The following NRXN1 variants were observed in gnomAD, a reference collection of about 807,000 sequenced individuals.
NRXN1 encodes neurexin-1.
NRXN1 carries 39 observed loss-of-function variants against 150.9 expected under a neutral mutation model. That is an observed-to-expected ratio of 0.26 (90% CI 0.20 to 0.34). The LOEUF is 0.34. Ranked by LOEUF, NRXN1 falls within the 10% of genes least tolerant of loss-of-function variation. The pLI, the probability that NRXN1 is intolerant of heterozygous loss-of-function variation, is 1.00. For synonymous variants in NRXN1, 924 were observed against 757.0 expected (o/e 1.22, Z -3.62); for missense variants, 1,815 against 1,949.9 (o/e 0.93, Z 1.30).
At chr2:50,138,577 T>C (rs1706759101) in intron 18 of NRXN1, among the ~76,000 whole-genome samples, 1 of 152,230 alleles carries the variant, frequency 6.6e-6, no homozygotes, top group Non-Finnish European at 1.5e-5. Context: ...AATTATCATG[T>C]CTCACTGCCC....
At chr2:50,984,437 C>T (rs555556294) in intron 2 of NRXN1, among the ~76,000 whole-genome samples, 1 of 151,756 alleles carries the variant, frequency 6.6e-6, no homozygotes, top group Non-Finnish European at 1.5e-5. Context: ...GGTCCATTAC[C>T]GAAAAAGTTT....
At chr2:50,801,648 C>T (rs1707614428) in intron 5 of NRXN1, among the ~76,000 whole-genome samples, 1 of 152,008 alleles carries the variant, frequency 6.6e-6, no homozygotes, top group Admixed American at 6.6e-5. Flanking sequence ...AGAAAAAAAG[C>T]AAATATCAGT....
At chr2:50,044,191 T>G (rs1691450718) in intron 21 of NRXN1, among the ~76,000 whole-genome samples, 1 of 152,188 alleles carries the variant, frequency 6.6e-6, no homozygotes, top group Admixed American at 6.5e-5. Flanking sequence ...AGTTAAACAT[T>G]GAGGTTCACA....
intron 18 of NRXN1, among the ~76,000 whole-genome samples, chr2:50,182,908 T>C (rs11896856): frequency 0.24 from 36,541 of 151,798 alleles, 5,402 homozygotes; most frequent in East Asian, 0.41. Context: ...TTAGAGCTCA[T>C]GCAAGACCAT....
At chr2:50,522,589 TATCA>T (rs1573385501) in intron 12 of NRXN1, among the ~76,000 whole-genome samples, 2 of 152,302 alleles carry the variant, frequency 1.3e-5, no homozygotes, top group African/African-American at 4.8e-5. Context: ...CCACTCACAG[TATCA>T]TTCTGTTGCC....
chr2:49,996,185 A>T (rs1682967116), intron 21 of NRXN1, among the ~76,000 whole-genome samples: 1 of 152,220 alleles, frequency 6.6e-6, no homozygotes, highest in Non-Finnish European at 1.5e-5. Flanking sequence ...TAAATAAGGT[A>T]TTATGAAAGT....
chr2:50,280,874 G>T (rs1467688855), intron 17 of NRXN1, among the ~76,000 whole-genome samples: 1 of 151,858 alleles, frequency 6.6e-6, no homozygotes, highest in East Asian at 1.9e-4. Context: ...TGTTTTGTTT[G>T]TTTGTTTCTG....
At chr2:50,594,389 C>CTAAGTTCTAAGTTT (rs1435661855) in intron 8 of NRXN1, among the ~76,000 whole-genome samples, 1 of 151,908 alleles carries the variant, frequency 6.6e-6, no homozygotes, top group Non-Finnish European at 1.5e-5. Flanking sequence ...GTTCCTGTGC[C>CTAAGTTCTAAGTTT]CTAAAAAAAT....
chr2:50,982,262 G>C (rs10490164), intron 2 of NRXN1, among the ~76,000 whole-genome samples: 35,173 of 151,998 alleles, frequency 0.23, 4,321 homozygotes, highest in Non-Finnish European at 0.28. Context: ...ACTTTCTGAA[G>C]AACAAATCAA....
At chr2:50,395,728 T>C (rs977922201) in intron 17 of NRXN1, among the ~76,000 whole-genome samples, 1 of 152,142 alleles carries the variant, frequency 6.6e-6, no homozygotes, top group Admixed American at 6.5e-5. Flanking sequence ...GACAACTCCA[T>C]GAGGTATAAG....
intron 5 of NRXN1, among the ~76,000 whole-genome samples, chr2:50,753,963 T>C (rs1178362257): frequency 2.2e-4 from 27 of 122,188 alleles, no homozygotes; most frequent in Non-Finnish European, 3.2e-4. Context: ...CGATTTTTTT[T>C]TGGGGGGGGG....
At chr2:50,702,988 T>A (rs1190943358) in intron 5 of NRXN1, among the ~76,000 whole-genome samples, 3 of 152,030 alleles carry the variant, frequency 2.0e-5, no homozygotes, top group Non-Finnish European at 4.4e-5. Context: ...AAGTTAAATC[T>A]CCAGTGAGAG....
rs932515057 is a variant in NRXN1, at chr2:50,724,760, ATG to A, written c.833-101147_833-101146del. ...GGTAATTAAGAAAAAAAGAATACAT[ATG>A]TGTGTGTGTGATGAGGTATTACTCA... On this transcript the variant is annotated intron_variant, in intron 5 of 22. Coordinates refer to ENST00000401669, the MANE Select transcript of NRXN1 (RefSeq NM_001330078.2). Among the ~76,000 whole-genome samples, 172 of 152,108 alleles carry A rather than the reference ATG, an allele frequency of 1.1e-3. 1 individual carries two copies. Among genetic ancestry groups the A allele is most frequent in the African/African-American group, 4.0e-3 (165 of 41,478 alleles).
intron 5 of NRXN1, among the ~76,000 whole-genome samples, chr2:50,884,986 GA>G (rs879465420): frequency 4.0e-5 from 6 of 151,482 alleles, no homozygotes; most frequent in Non-Finnish European, 8.9e-5. Flanking sequence ...GAAAGATTGT[GA>G]AAATAATGCA....
intron 21 of NRXN1, among the ~76,000 whole-genome samples, chr2:49,959,888 T>C (rs950039346): frequency 3.9e-5 from 6 of 152,130 alleles, no homozygotes; most frequent in African/African-American, 1.4e-4. Context: ...AGGTAGACAA[T>C]CCACTTTTGT....
intron 21 of NRXN1, among the ~76,000 whole-genome samples, chr2:49,950,550 G>GAT (rs1197235449): frequency 1.3e-5 from 2 of 151,890 alleles, no homozygotes; most frequent in Non-Finnish European, 2.9e-5. Flanking sequence ...TTGTGGTTCC[G>GAT]ATATGCAAAT....
At chr2:50,569,706 T>G (rs2105448793) in intron 8 of NRXN1, among the ~76,000 whole-genome samples, 1 of 152,136 alleles carries the variant, frequency 6.6e-6, no homozygotes, top group African/African-American at 2.4e-5. Context: ...TATAAAATTG[T>G]GATGGATACT....
intron 5 of NRXN1, among the ~76,000 whole-genome samples, chr2:50,674,727 T>C (rs907198237): frequency 6.6e-6 from 1 of 152,056 alleles, no homozygotes; most frequent in African/African-American, 2.4e-5. Flanking sequence ...CCCAGGTTTT[T>C]AGCTTGGGTG....
chr2:50,846,102 T>TGATTCTACA (rs1390576117), intron 5 of NRXN1, among the ~76,000 whole-genome samples: 4 of 152,240 alleles, frequency 2.6e-5, no homozygotes, highest in African/African-American at 9.6e-5. Context: ...AGAGGAGGTC[T>TGATTCTACA]GTAGAATCAA....
Sources: gnomAD v4.1 joint callset for allele counts (sites outside exome capture counted in the v4.1 genomes callset) on GRCh38, gnomAD v4.1.1 for gene constraint, MANE v1.5 for transcripts, NCBI Gene and HGNC (gene_info 2026-07-23, HGNC 2026-07-21) for gene names.